The following CYP2J2 variants were observed in gnomAD, a reference collection of about 807,000 sequenced individuals.
The protein encoded by CYP2J2 is cytochrome P450 2J2.
In CYP2J2, 41 loss-of-function variants were observed where a neutral mutation model predicts 48.8. The ratio of observed to expected loss-of-function variants is 0.84; its 90% CI spans 0.66 to 1.09. The LOEUF (loss-of-function observed/expected upper bound fraction) is 1.09, where lower values mean the gene tolerates loss of function less well. Ranked by LOEUF, CYP2J2 falls within the 50% of genes least tolerant of loss-of-function variation. The probability of loss-of-function intolerance (pLI) is 0.00; values close to 1 mark genes in which losing one functional copy is unlikely to be tolerated. For synonymous variants in CYP2J2, 221 were observed against 227.1 expected (o/e 0.97, Z 0.24); for missense variants, 644 against 617.3 (o/e 1.04, Z -0.46).
chr1:59,952,546 T>C, the CYP2J2 span, among the ~76,000 whole-genome samples: 1 of 151,940 alleles, frequency 6.6e-6, no homozygotes, highest in African/African-American at 2.4e-5. Flanking sequence ...CCGAAAGCGG[T>C]ATTAGGAAGA....
At chr1:59,896,343 T>TAC (rs561828700) in intron 8 of CYP2J2, among the ~76,000 whole-genome samples, 113 of 151,518 alleles carry the variant, frequency 7.5e-4, no homozygotes, top group African/African-American at 2.6e-3. Flanking sequence ...TATATATATA[T>TAC]ACACCAAATA....
chr1:59,923,124 G>A (rs11572209), intron 1 of CYP2J2, among the ~76,000 whole-genome samples: 70 of 152,320 alleles, frequency 4.6e-4, no homozygotes, highest in African/African-American at 1.5e-3. Context: ...TCTTCCCTCC[G>A]TAGTAAAGCA....
the CYP2J2 span, among the ~76,000 whole-genome samples, chr1:59,946,941 GAAGCATTTTAA>G: frequency 6.6e-6 from 1 of 151,598 alleles, no homozygotes; most frequent in Non-Finnish European, 1.5e-5. Flanking sequence ...GGCAACTTCT[GAAGCATTTTAA>G]AAGCATTTTG....
At chr1:59,951,378 C>A in the CYP2J2 span, among the ~76,000 whole-genome samples, 1 of 152,126 alleles carries the variant, frequency 6.6e-6, no homozygotes, top group Non-Finnish European at 1.5e-5. Flanking sequence ...TTGAAATAGT[C>A]CTACAGCTTA....
chr1:59,917,890 T>C (rs1278034630), intron 1 of CYP2J2, among the ~76,000 whole-genome samples: 2 of 152,220 alleles, frequency 1.3e-5, no homozygotes, highest in Admixed American at 1.3e-4. Flanking sequence ...CAGATGCCTT[T>C]GCACTTACAC....
chr1:59,900,691 C>T (rs779970967), intron 8 of CYP2J2, among the ~76,000 whole-genome samples: 1 of 152,122 alleles, frequency 6.6e-6, no homozygotes, highest in Non-Finnish European at 1.5e-5. Context: ...GTGGTGGAGT[C>T]TGGATCTCTG....
chr1:59,944,870 T>A, the CYP2J2 span, among the ~76,000 whole-genome samples: 2 of 152,204 alleles, frequency 1.3e-5, no homozygotes, highest in African/African-American at 4.8e-5. Context: ...ATTTTTTTTC[T>A]GAAATCATGA....
chr1:59,923,933 G>C (rs11572204), intron 1 of CYP2J2, among the ~76,000 whole-genome samples: 45,925 of 151,958 alleles, frequency 0.3, 7,479 homozygotes, highest in African/African-American at 0.43. Context: ...TGGCAAAAGA[G>C]AAATCTATAT....
the CYP2J2 span, among the ~76,000 whole-genome samples, chr1:59,958,519 T>A: frequency 7.7e-6 from 1 of 130,008 alleles, no homozygotes; most frequent in South Asian, 2.2e-4. Context: ...GGGGTCCTTC[T>A]CATTGCCTTT....
At chr1:59,942,560 C>T in the CYP2J2 span, among the ~76,000 whole-genome samples, 2 of 151,792 alleles carry the variant, frequency 1.3e-5, no homozygotes, top group Non-Finnish European at 2.9e-5. Context: ...GATTAGAAGC[C>T]GTTGAAGCTT....
At chr1:59,929,571 G>A (rs1287697986), upstream of CYP2J2, among the ~76,000 whole-genome samples, 2 of 152,098 alleles carry the variant, frequency 1.3e-5, no homozygotes, top group East Asian at 3.8e-4. Flanking sequence ...TCAATAATGA[G>A]ATAGAAATTA....
the CYP2J2 span, among the ~76,000 whole-genome samples, chr1:59,935,010 A>G: frequency 7.5e-5 from 3 of 40,058 alleles, no homozygotes; most frequent in African/African-American, 1.4e-4. Flanking sequence ...ATATATATAT[A>G]TATACATATA....
the CYP2J2 span, among the ~76,000 whole-genome samples, chr1:59,964,090 A>AT: frequency 1.6e-4 from 24 of 152,246 alleles, no homozygotes; most frequent in African/African-American, 5.3e-4. Context: ...CAGCCTCTTA[A>AT]TTTTTTTGAC....
chr1:59,898,582 A>C (rs1047951779), intron 8 of CYP2J2, among the ~76,000 whole-genome samples: 32 of 152,348 alleles, frequency 2.1e-4, no homozygotes, highest in African/African-American at 7.7e-4. Flanking sequence ...ATGCTAACTG[A>C]TGCATATGTT....
chr1:59,935,004 A>ATATG, the CYP2J2 span, among the ~76,000 whole-genome samples: 1 of 48,768 alleles, frequency 2.1e-5, no homozygotes, highest in Non-Finnish European at 3.7e-5. Flanking sequence ...ATATATATAT[A>ATATG]TATATATATA....
the CYP2J2 span, among the ~76,000 whole-genome samples, chr1:59,937,847 A>G: frequency 6.6e-6 from 1 of 151,984 alleles, no homozygotes. Flanking sequence ...CAACTCTGCT[A>G]TTAAAAGACT....
the CYP2J2 span, among the ~76,000 whole-genome samples, chr1:59,942,763 T>C: frequency 1.1e-3 from 171 of 152,170 alleles, 4 homozygotes; most frequent in East Asian, 0.028. Context: ...ATTCAAGAAA[T>C]GTTTTTGGAA....
At position 59,907,716 on chromosome 1, in the gene CYP2J2, C is replaced by T. The variant is rs905881591; in HGVS notation, c.1003+70G>A. 1.3e-5 allele frequency: 20 copies of T among 1,556,824 alleles called. No individual in the cohort carries two copies. The South Asian group carries it at 1.5e-4, about 12-fold the overall frequency. ...ATCCTACAATGCTATCTTCTGGCCC[C>T]GACTTCAGGCAGCACATCCCAGGAG... On this transcript the variant is annotated intron_variant, in intron 6 of 8. Transcript: ENST00000371204.
chr1:59,918,448 C>T (rs573273491), intron 1 of CYP2J2, among the ~76,000 whole-genome samples: 5 of 152,244 alleles, frequency 3.3e-5, no homozygotes, highest in South Asian at 2.1e-4. Flanking sequence ...CTGCATATTT[C>T]GAATTAAACA....
Sources: allele counts gnomAD v4.1 joint callset (sites outside exome capture counted in the v4.1 genomes callset), GRCh38; gene constraint gnomAD v4.1.1; transcripts MANE v1.5; gene names NCBI Gene and HGNC (gene_info 2026-07-23, HGNC 2026-07-21).